The following TNXB variants were observed in gnomAD, a reference collection of about 807,000 sequenced individuals.
TNXB encodes the protein tenascin-X.
In TNXB, 183 loss-of-function variants were observed where a neutral mutation model predicts 340.5. The ratio of observed to expected loss-of-function variants is 0.54; its 90% confidence interval spans 0.48 to 0.61. The LOEUF (loss-of-function observed/expected upper bound fraction) is 0.61. Among genes scored for constraint, TNXB ranks in the 20% least tolerant of loss-of-function variants. The pLI, the probability that TNXB is intolerant of heterozygous loss-of-function variation, is 0.00. For synonymous variants in TNXB, 2,121 were observed against 2,314.5 expected (o/e 0.92, Z 2.40); for missense variants, 4,613 against 5,446.4 (o/e 0.85, Z 4.82).
At chr6:32,078,886 C>T (rs538410753) in intron 11 of TNXB, 147 bp downstream of exon 11, 14 of 854,384 alleles carry the variant, frequency 1.6e-5, no homozygotes, top group Middle Eastern at 3.6e-4. Context: ...GCTGGTGGTA[C>T]GCCAGTCCCC....
chr6:32,046,591 A>C lies in TNXB; in HGVS notation c.10325-135T>G. The C allele has an allele frequency of 1.4e-6, 1 of 729,384 alleles. No homozygotes were observed. The highest frequency in any genetic ancestry group is 2.1e-6 in the Non-Finnish European group (1 of 475,772). The allele number at this position is 729,384 out of a possible 1,614,324, so 45.2% of individuals were successfully genotyped here. ...CAGGGACAGCTCCTTGAGGAGACAC[A>C]CAGGCCTGCTCCCGCCATGCCCCAC... On this transcript the variant is annotated intron_variant, in intron 30 of 43. Transcript: ENST00000644971. This position sits in a 1 kb window ranked among gnomAD's most constrained non-coding sequence, Gnocchi z 6.9.
chr6:32,052,951 T>C lies in TNXB; in HGVS notation c.8834A>G (p.Glu2945Gly). ...ETPAPTEPST[E>G]APEPPEEPLL... The stretch of plus-strand genomic sequence containing the variant: ...CGGCTCCTCAGGGGGCTCCGGGGCC[T>C]CCGTGCTGGGTTCTGTGGGGGCGGG... The change falls in exon 26 of 44, where the codon GAG (glutamate) becomes GGG (glycine). Residue 2945 changes from glutamate (E) to glycine (G), a missense_variant. Glu to Gly is a moderately conservative substitution (Grantham distance 98). This residue lies in a region of TNXB where 4,327 missense variants were observed against 4,859.4 expected (regional missense o/e 0.89). Transcript: ENST00000644971. This position sits in a 1 kb window ranked among gnomAD's most constrained non-coding sequence, Gnocchi z 4.7. 6 of 1,612,508 alleles carry C rather than the reference T, an allele frequency of 3.7e-6. No homozygotes were observed. In the African/African-American group the frequency reaches 6.7e-5, roughly 18 times the overall value.
In TNXB at chr6:32,097,793, C is replaced by T. The variant is rs375275840; in HGVS notation, c.403+3G>A. On this transcript the variant is annotated splice_donor_region_variant and intron_variant, in intron 2 of 43. Transcript: ENST00000644971. This position sits in a 1 kb window ranked among gnomAD's most constrained non-coding sequence, Gnocchi z 5.9. ...CCACCCTCTTCTGTGATCACCTGCT[C>T]ACCTGTGCCAGCTTGGGCAGAGGCA... The T allele has an allele frequency of 1.5e-5, 22 of 1,500,918 alleles. No individual in the cohort carries two copies. Among genetic ancestry groups the T allele is most frequent in the Non-Finnish European group, 1.9e-5 (21 of 1,124,116 alleles). 93.0% of individuals were successfully genotyped at this position (1,500,918 alleles called of 1,614,324 possible). A position where few individuals can be genotyped will look rare whatever the true frequency, so the allele number is the denominator to read the frequency against.
In TNXB at chr6:32,079,462, G is replaced by A; in HGVS notation, c.4043-97C>T. The A allele has an allele frequency of 9.9e-7, 1 of 1,013,704 alleles. No individual in the cohort carries two copies. Among genetic ancestry groups the A allele is most frequent in the Non-Finnish European group, 1.4e-6 (1 of 700,892 alleles). The allele number at this position is 1,013,704 out of a possible 1,614,324, so 62.8% of individuals were successfully genotyped here. On this transcript the variant is annotated intron_variant, in intron 10 of 43. Coordinates refer to ENST00000644971, the MANE Select transcript of TNXB (RefSeq NM_001365276.2). This position sits in a 1 kb window ranked among gnomAD's most constrained non-coding sequence, Gnocchi z 7.1. ...ATGCCCTTACGCTGTGGGCTCAGGG[G>A]CTCTGTAGCCTTTGTATTTGCCATT...
rs1211587427 is a variant in TNXB at position 32,055,902 on chromosome 6, C to T, written c.8416G>A (p.Gly2806Ser). The T allele has an allele frequency of 1.3e-5, 21 of 1,613,446 alleles. No homozygotes were observed. The highest frequency in any genetic ancestry group is 3.3e-5 in the Admixed American group (2 of 60,024). Residue 2806 changes from glycine to serine, a missense_variant, in exon 24 of 44, where the codon GGC becomes AGC. Transcript: ENST00000644971. ...CCCACACGCCGCCCCTCGTGGAGGC[C>T]GTACAGGTGCATCTTGTATTTGCGC... is the stretch of plus-strand genomic sequence containing the variant. ...PGRKYKMHLYGLHEGRRVGPV... is the reference protein window; with the variant it reads ...PGRKYKMHLYSLHEGRRVGPV...
rs377010939 is a variant in TNXB at position 32,059,293 on chromosome 6, C to T, written c.7493-903G>A. Among the ~76,000 whole-genome samples, 5 of 151,190 alleles carry T rather than the reference C, an allele frequency of 3.3e-5. No homozygotes were observed. The East Asian group carries it at 5.8e-4, about 18-fold the overall frequency. On this transcript the variant is annotated intron_variant, in intron 21 of 43. Coordinates refer to ENST00000644971, the MANE Select transcript of TNXB (RefSeq NM_001365276.2). Reference sequence around the variant, plus strand: ...AATTAGCCAGGCGTGGTGGCATGCACCTGTAATCCCAGCTACTCAGGAGGC... The same window carrying T: ...AATTAGCCAGGCGTGGTGGCATGCATCTGTAATCCCAGCTACTCAGGAGGC...
chr6:32,048,356 C>T lies in TNXB; in HGVS notation c.10045+7G>A, dbSNP rs949649686. 1.4e-6 allele frequency: 2 copies of T among 1,476,898 alleles called. No individual in the cohort carries two copies. Among genetic ancestry groups the T allele is most frequent in the African/African-American group, 1.4e-5 (1 of 71,220 alleles). 91.5% of individuals were successfully genotyped at this position (1,476,898 alleles called of 1,614,324 possible). A position where few individuals can be genotyped will look rare whatever the true frequency, so the allele number is the denominator to read the frequency against. ...CTGGCCGCGGGAGGCCTCCAGCCCT[C>T]ACTCACCGGTCCTGGCCTCCACAGG... On this transcript the variant is annotated splice_region_variant and intron_variant, in intron 29 of 43. Transcript: ENST00000644971.
At position 32,048,055 on chromosome 6, in the gene TNXB, A is replaced by G. The variant is rs1186079894; in HGVS notation, c.10046-43T>C. 1.9e-6 allele frequency: 3 copies of G among 1,579,576 alleles called. No individual in the cohort carries two copies. In the Admixed American group the frequency reaches 5.1e-5, roughly 27 times the overall value. On this transcript the variant is annotated intron_variant, in intron 29 of 43. Transcript: ENST00000644971. Reference sequence around the variant, plus strand: ...GTGCATGGAGAGTGGGATGGAGGCAAAGGGGCCACGGAGCTTCCTGGGCTG... The same window carrying G: ...GTGCATGGAGAGTGGGATGGAGGCAGAGGGGCCACGGAGCTTCCTGGGCTG...
chr6:32,096,746 G>A lies in TNXB; in HGVS notation c.1107C>T (p.Ser369=). Reference sequence around the variant, plus strand: ...GGCAGTCCCTCGGACATGTCCGCGTGCTGCAGTCCTCGCCTGTGTACCCGG... The same window carrying A: ...GGCAGTCCCTCGGACATGTCCGCGTACTGCAGTCCTCGCCTGTGTACCCGG... ...CWPGYTGEDC[S]TRTCPRDCRG... is the part of the protein sequence containing the mutation. Residue 369 remains serine (S), a synonymous_variant, in exon 3 of 44, where the codon AGC becomes AGT. Transcript: ENST00000644971. The A allele has an allele frequency of 9.0e-6, 14 of 1,553,276 alleles. No homozygotes were observed. The highest frequency in any genetic ancestry group is 1.1e-5 in the Non-Finnish European group (13 of 1,150,684).
rs1196249012 is a variant in TNXB, at chr6:32,083,515, C to T, written c.3445+898G>A. ...TCTAAGTTTATCTAAGGCGTTGTTCCCCACCTCTGCTGCTCCCTGCCTCAG... is the reference window on the plus strand; with the variant it reads ...TCTAAGTTTATCTAAGGCGTTGTTCTCCACCTCTGCTGCTCCCTGCCTCAG... On this transcript the variant is annotated intron_variant, in intron 8 of 43. Coordinates refer to ENST00000644971, the MANE Select transcript of TNXB (RefSeq NM_001365276.2). The surrounding 1 kb of genome is among the most constrained non-coding windows in gnomAD (Gnocchi z 4.6). Among the ~76,000 whole-genome samples the T allele has an allele frequency of 6.6e-6, 1 of 152,124 alleles. No homozygotes were observed. The highest frequency in any genetic ancestry group is 1.5e-5 in the Non-Finnish European group (1 of 68,016).
chr6:32,086,618 C>T lies in TNXB; in HGVS notation c.2780-500G>A, dbSNP rs1184617143. Among the ~76,000 whole-genome samples the T allele has an allele frequency of 2.0e-5, 3 of 152,264 alleles. No individual in the cohort carries two copies. The South Asian group carries it at 6.2e-4, about 32-fold the overall frequency. On this transcript the variant is annotated intron_variant, in intron 6 of 43. Transcript: ENST00000644971. ...TATGGGGGAAGAAGAGGTCCACCAC[C>T]CTCCCCACAGCAGCCACAGGGTGCC...
In TNXB at chr6:32,061,547, T is replaced by C; in HGVS notation, c.7342A>G (p.Arg2448Gly). 6.2e-7 allele frequency: 1 copy of C among 1,613,570 alleles called. No homozygotes were observed. The highest frequency in any genetic ancestry group is 8.5e-7 in the Non-Finnish European group (1 of 1,179,874). Reference protein sequence around the residue: ...FDSFTVQYKDRDGRPQVVRVG... With the variant: ...FDSFTVQYKDGDGRPQVVRVG... ...CGCACCACCTGGGGCCGCCCGTCCC[T>C]GTCCTTGTACTGCACGGTGAAGGAG... Residue 2448 changes from arginine to glycine, a missense_variant, in exon 21 of 44, where the codon AGG becomes GGG. Around this residue, in one of 7 missense-constraint regions of TNXB, gnomAD observed 4,327 missense variants for 4,859.4 expected, o/e 0.89. Coordinates refer to ENST00000644971, the MANE Select transcript of TNXB (RefSeq NM_001365276.2). This position sits in a 1 kb window ranked among gnomAD's most constrained non-coding sequence, Gnocchi z 4.4.
chr6:32,078,253 G>C (rs1304075170), intron 11 of TNXB, among the ~76,000 whole-genome samples: 1 of 151,808 alleles, frequency 6.6e-6, no homozygotes, highest in Non-Finnish European at 1.5e-5. Context: ...TTTGAGACCA[G>C]CCTGGCCAAC....
At chr6:32,105,445 CTAGACTA>C (rs781554513) in intron 1 of TNXB, among the ~76,000 whole-genome samples, 3 of 152,170 alleles carry the variant, frequency 2.0e-5, no homozygotes, top group African/African-American at 4.8e-5. Context: ...TTCTTGCCCA[CTAGACTA>C]TAAAGTCCAT....
Position 32,068,073 on chromosome 6 carries a change from G to C in TNXB, c.6221-89C>G, listed in dbSNP as rs1186866656. On this transcript the variant is annotated intron_variant, in intron 17 of 43. Coordinates refer to ENST00000644971, the MANE Select transcript of TNXB (RefSeq NM_001365276.2). The surrounding 1 kb of genome is among the most constrained non-coding windows in gnomAD (Gnocchi z 5.3). ...CCAAGGCTATGACTGGGGGACCCGA[G>C]GTCAGTTCAGAGAGGCCTACTCTTG... 1 of 1,510,856 alleles carries C rather than the reference G, an allele frequency of 6.6e-7. No individual in the cohort carries two copies. The highest frequency in any genetic ancestry group is 8.9e-7 in the Non-Finnish European group (1 of 1,124,940). 93.6% of individuals were successfully genotyped at this position (1,510,856 alleles called of 1,614,324 possible).
rs760645744 is a variant in TNXB, at chr6:32,061,762, G to A, written c.7169-42C>T. 1.3e-6 allele frequency: 2 copies of A among 1,597,184 alleles called. No homozygotes were observed. The highest frequency in any genetic ancestry group is 2.2e-5 in the South Asian group (2 of 89,986). ...CAGAGAGGATGGCAGGGTCCCTGGG[G>A]GATGTGCTTACGTCGTGGGGAAAAG... On this transcript the variant is annotated intron_variant, in intron 20 of 43. Transcript: ENST00000644971. This position sits in a 1 kb window ranked among gnomAD's most constrained non-coding sequence, Gnocchi z 4.4.
At position 32,079,488 on chromosome 6, in the gene TNXB, C is replaced by T. The variant is rs2127250294; in HGVS notation, c.4043-123G>A. 11 of 811,710 alleles carry T rather than the reference C, an allele frequency of 1.4e-5. No individual in the cohort carries two copies. Among genetic ancestry groups the T allele is most frequent in the Non-Finnish European group, 2.1e-5 (11 of 526,736 alleles). 50.3% of individuals were successfully genotyped at this position (811,710 alleles called of 1,614,324 possible). Reference sequence around the variant, plus strand: ...CTCTGTAGCCTTTGTATTTGCCATTCGGTCACTCACGGATGGAGAAGGCTG... The same window carrying T: ...CTCTGTAGCCTTTGTATTTGCCATTTGGTCACTCACGGATGGAGAAGGCTG... On this transcript the variant is annotated intron_variant, in intron 10 of 43. Coordinates refer to ENST00000644971, the MANE Select transcript of TNXB (RefSeq NM_001365276.2). This position sits in a 1 kb window ranked among gnomAD's most constrained non-coding sequence, Gnocchi z 7.1.
rs1439421038 is a variant in TNXB, at chr6:32,083,745, G to A, written c.3445+668C>T. Among the ~76,000 whole-genome samples, 1 of 152,014 alleles carries A rather than the reference G, an allele frequency of 6.6e-6. No homozygotes were observed. Among genetic ancestry groups the A allele is most frequent in the East Asian group, 1.9e-4 (1 of 5,180 alleles). On this transcript the variant is annotated intron_variant, in intron 8 of 43. Transcript: ENST00000644971. This position sits in a 1 kb window ranked among gnomAD's most constrained non-coding sequence, Gnocchi z 4.6. ...CACAATCATGGCTCTCTGCAGCCTC[G>A]GTCTCCTGGGCTCAAGCGATCCTCC...
chr6:32,061,173 T>C lies in TNXB; in HGVS notation c.7492+224A>G, dbSNP rs530445882. Among the ~76,000 whole-genome samples, 5 of 151,938 alleles carry C rather than the reference T, an allele frequency of 3.3e-5. No individual in the cohort carries two copies. The highest frequency in any genetic ancestry group is 6.5e-5 in the Admixed American group (1 of 15,286). On this transcript the variant is annotated intron_variant, in intron 21 of 43. Coordinates refer to ENST00000644971, the MANE Select transcript of TNXB (RefSeq NM_001365276.2). This position sits in a 1 kb window ranked among gnomAD's most constrained non-coding sequence, Gnocchi z 4.4. ...TCGTAAGTCAGGCTTGGTGTGCGCCTGACATATTTCACTCTTGGAGGTTAT... is the reference window on the plus strand; with the variant it reads ...TCGTAAGTCAGGCTTGGTGTGCGCCCGACATATTTCACTCTTGGAGGTTAT...
Sources: gnomAD v4.1 joint callset for allele counts (sites outside exome capture counted in the v4.1 genomes callset) on GRCh38, gnomAD v4.1.1 for gene constraint, gnomAD v4.1.1 regional missense constraint, Gnocchi (gnomAD v3.1) non-coding constraint, MANE v1.5 for transcripts, NCBI Gene and HGNC (gene_info 2026-07-23, HGNC 2026-07-21) for gene names.